Variants in ANKS3 observed in about 807,000 individuals in gnomAD.
ANKS3 encodes the protein ankyrin repeat and sterile alpha motif domain containing 3.
ANKS3 carries 62 observed loss-of-function variants against 80.7 expected under a neutral mutation model. That is an observed-to-expected ratio of 0.77 (90% CI 0.63 to 0.95). The LOEUF is 0.95. ANKS3 is among the 40% of genes least tolerant of loss of function. ANKS3 has a pLI of 0.00. For missense variants in ANKS3, 1,150 were observed against 883.6 expected, an observed-to-expected ratio of 1.30 and a Z score of -3.82; for synonymous variants, 489 against 355.3, an observed-to-expected ratio of 1.38 and a Z score of -4.23.
rs745415081 is a variant in ANKS3 at position 4,714,153 on chromosome 16, C to T, written c.607G>A (p.Ala203Thr). Residue 203 changes from alanine (A) to threonine (T), a missense_variant, in exon 7 of 18, where the codon GCC becomes ACC. By Grantham distance (58) the Ala-to-Thr change is moderately conservative (BLOSUM62 0). Coordinates refer to ENST00000304283, the MANE Select transcript of ANKS3 (RefSeq NM_133450.4). The stretch of plus-strand genomic sequence containing the variant: ...TGCTTGGCCAGCATCCGGGCTGTGG[C>T]TCCACTGTGGTCTCTCGCGTCCACC... ...VKVDARDHSG[A>T]TARMLAKQYG... 9 of 1,614,070 alleles carry T rather than the reference C, an allele frequency of 5.6e-6. No individual in the cohort carries two copies. The highest frequency in any genetic ancestry group is 6.8e-6 in the Non-Finnish European group (8 of 1,180,044).
At chr16:4,730,248 G>T in intron 2 of ANKS3, 97 bp from the exon 3 acceptor site, 2 of 1,227,910 alleles carry the variant, frequency 1.6e-6, no homozygotes, top group Non-Finnish European at 2.1e-6. Flanking sequence ...TGCACTAGCA[G>T]ACTGATAACC....
At chr16:4,715,235 T>A (rs964043874) in intron 6 of ANKS3, among the ~76,000 whole-genome samples, 14 of 151,254 alleles carry the variant, frequency 9.3e-5, no homozygotes, top group African/African-American at 3.4e-4. Context: ...GGCTCAGGAG[T>A]TGGACAACAA....
At chr16:4,700,738 GA>G in intron 11 of ANKS3, 1 of 704,468 alleles carries the variant, frequency 1.4e-6, no homozygotes, top group South Asian at 1.4e-5. Flanking sequence ...CTCCAGTATG[GA>G]AAGCAGGGAG....
In ANKS3 at chr16:4,697,991, G is replaced by T. The variant is rs1429338761; in HGVS notation, c.1796C>A (p.Ala599Asp). The T allele has an allele frequency of 1.3e-6, 2 of 1,598,232 alleles. No homozygotes were observed. The highest frequency in any genetic ancestry group is 2.3e-5 in the South Asian group (2 of 88,054). ...ACTGCTCTTACCAGCTGGGGGGACG[G>T]CTAGGCCCAGAGTGGCTGCACCAGG... Reference protein sequence around the residue: ...QPPGAATLGLAVPPADSKGWQ... With the variant: ...QPPGAATLGLDVPPADSKGWQ... The change falls in exon 15 of 18, where the codon GCC becomes GAC. Residue 599 changes from alanine to aspartate, a missense_variant. By Grantham distance (126) the Ala-to-Asp change is moderately radical (BLOSUM62 -2). Transcript: ENST00000304283.
At position 4,734,121 on chromosome 16, in the gene ANKS3, G is replaced by C. The variant is rs972779470; in HGVS notation, c.-254C>G. On this transcript the variant is annotated 5_prime_UTR_variant, in exon 1 of 18. Transcript: ENST00000304283. ...CGGGTCTAGGCGGGCTGCAGGTGCC[G>C]GCAAGTGCTGGGGCCGGGCCGCCGC... 1 of 761,570 alleles carries C rather than the reference G, an allele frequency of 1.3e-6. No homozygotes were observed. Among genetic ancestry groups the C allele is most frequent in the African/African-American group, 1.9e-5 (1 of 52,804 alleles). The allele number at this position is 761,570 out of a possible 1,614,324, so 47.2% of individuals were successfully genotyped here. A position where few individuals can be genotyped will look rare whatever the true frequency, so the allele number is the denominator to read the frequency against.
Position 4,714,976 on chromosome 16 carries a change from G to C in ANKS3, c.574-790C>G, listed in dbSNP as rs902143504. On this transcript the variant is annotated intron_variant, in intron 6 of 17. Coordinates refer to ENST00000304283, the MANE Select transcript of ANKS3 (RefSeq NM_133450.4). Reference sequence around the variant, plus strand: ...CACTGCACTCCAGCCTGAAGACAGAGTGAGACTCTGTCTCAAAAAAAAAAA... The same window carrying C: ...CACTGCACTCCAGCCTGAAGACAGACTGAGACTCTGTCTCAAAAAAAAAAA... Among the ~76,000 whole-genome samples, 3 of 108,278 alleles carry C rather than the reference G, an allele frequency of 2.8e-5. No individual in the cohort carries two copies. The East Asian group carries it at 9.5e-4, about 34-fold the overall frequency. The allele number at this position is 108,278 out of a possible 152,430, so 71.0% of individuals were successfully genotyped here. A position where few individuals can be genotyped will look rare whatever the true frequency, so the allele number is the denominator to read the frequency against.
intron 6 of ANKS3, among the ~76,000 whole-genome samples, chr16:4,716,644 A>G (rs971488391): frequency 1.3e-5 from 2 of 151,944 alleles, no homozygotes; most frequent in Non-Finnish European, 2.9e-5. Flanking sequence ...TAGGCCGGGC[A>G]CAGTGGCTCA....
chr16:4,720,474 G>A (rs1168551569), intron 6 of ANKS3, among the ~76,000 whole-genome samples: 1 of 146,872 alleles, frequency 6.8e-6, no homozygotes, highest in African/African-American at 2.5e-5. Context: ...AAAAAAAAAA[G>A]AAGTCTAACA....
Position 4,706,810 on chromosome 16 carries a change from C to G in ANKS3, c.710-1557G>C, listed in dbSNP as rs528741852. Among the ~76,000 whole-genome samples, 13 of 152,304 alleles carry G rather than the reference C, an allele frequency of 8.5e-5. No individual in the cohort carries two copies. The East Asian group carries it at 1.9e-3, about 23-fold the overall frequency. Reference sequence around the variant, plus strand: ...AAGGTCCTTTGCATTACCACCTGAGCTGTGTTTATTATGAAACAATCCCAA... The same window carrying G: ...AAGGTCCTTTGCATTACCACCTGAGGTGTGTTTATTATGAAACAATCCCAA... On this transcript the variant is annotated intron_variant, in intron 7 of 17. Transcript: ENST00000304283.
At position 4,697,062 on chromosome 16, in the gene ANKS3, T is replaced by C; in HGVS notation, c.1937A>G (p.Gln646Arg). Residue 646 changes from glutamine (Q) to arginine (R), a missense_variant, in exon 17 of 18, where the codon CAG becomes CGG. Gln to Arg is a conservative substitution (Grantham distance 43). Transcript: ENST00000304283. ...CLVTQSLEKL[Q>R]VLNGKKWRET ...CCGCCACTTCTTCCCGTTCAGCACC[T>C]GCAGCTTCTCCAGGCTCTGGGTCAC... The C allele has an allele frequency of 6.2e-7, 1 of 1,613,878 alleles. No homozygotes were observed.
intron 7 of ANKS3, among the ~76,000 whole-genome samples, chr16:4,709,914 G>A (rs537988358): frequency 2.0e-5 from 3 of 152,190 alleles, no homozygotes; most frequent in Non-Finnish European, 4.4e-5. Context: ...GGGAGGCTGA[G>A]ATAGGAGGAT....
chr16:4,719,876 C>G (rs2080997558), intron 6 of ANKS3, among the ~76,000 whole-genome samples: 1 of 151,934 alleles, frequency 6.6e-6, no homozygotes, highest in Admixed American at 6.6e-5. Context: ...AAAAGTCTAA[C>G]ATCCTGGCCA....
Position 4,698,051 on chromosome 16 carries a change from G to C in ANKS3, c.1736C>G (p.Ala579Gly). The C allele has an allele frequency of 1.9e-6, 3 of 1,608,596 alleles. No individual in the cohort carries two copies. The highest frequency in any genetic ancestry group is 1.7e-5 in the Admixed American group (1 of 59,334). ...LVLDQLRACQ[A>G]ELSSRVRQDQ... ...CTGCCTCACTCGAGATGACAGCTCA[G>C]CTTGACAGGCTCTGCCAGACACAGA... The change falls in exon 15 of 18, where the codon GCT becomes GGT. Residue 579 changes from alanine to glycine, a missense_variant. By Grantham distance (60) the Ala-to-Gly change is moderately conservative. Transcript: ENST00000304283.
chr16:4,698,089 T>C (rs1248561441), intron 14 of ANKS3, 27 bp from the exon 15 acceptor site: 9 of 1,581,894 alleles, frequency 5.7e-6, no homozygotes, highest in Non-Finnish European at 7.7e-6. Context: ...CAAATATTGG[T>C]GAGAGCAGAG....
intron 1 of ANKS3, 130 bp downstream of exon 1, chr16:4,733,808 G>A (rs759700422): frequency 8.1e-6 from 4 of 492,562 alleles, no homozygotes; most frequent in Non-Finnish European, 1.1e-5. Flanking sequence ...TGATGCTGGT[G>A]GTAACTGTCA....
At chr16:4,733,486 G>A (rs886696564) in intron 1 of ANKS3, among the ~76,000 whole-genome samples, 1 of 152,070 alleles carries the variant, frequency 6.6e-6, no homozygotes, top group Admixed American at 6.6e-5. Context: ...GAGACGAAGT[G>A]TCCCCATGTT....
Position 4,701,481 on chromosome 16 carries a change from C to A in ANKS3, c.1072G>T (p.Ala358Ser), listed in dbSNP as rs1374311910. ...VQSSSSSEGL[A>S]RAQGLSSEAS... is the part of the protein sequence containing the mutation. ...TCGCTGCTGAGCCCCTGGGCTCTGGCCAGGCCCTCGCTGCTGCTGCTGCTC... is the reference window on the plus strand; with the variant it reads ...TCGCTGCTGAGCCCCTGGGCTCTGGACAGGCCCTCGCTGCTGCTGCTGCTC... Residue 358 changes from alanine (A) to serine (S), a missense_variant, in exon 10 of 18, where the codon GCC becomes TCC. Coordinates refer to ENST00000304283, the MANE Select transcript of ANKS3 (RefSeq NM_133450.4). 1.2e-6 allele frequency: 2 copies of A among 1,611,778 alleles called. No individual in the cohort carries two copies. Among genetic ancestry groups the A allele is most frequent in the East Asian group, 2.2e-5 (1 of 44,816 alleles).
intron 6 of ANKS3, among the ~76,000 whole-genome samples, chr16:4,715,946 A>T (rs904493172): frequency 8.5e-5 from 13 of 152,170 alleles, no homozygotes; most frequent in Non-Finnish European, 1.8e-4. Flanking sequence ...ACTTAAAATA[A>T]GAGATTAATG....
At chr16:4,719,795 AT>A (rs1282364539) in intron 6 of ANKS3, among the ~76,000 whole-genome samples, 7 of 152,202 alleles carry the variant, frequency 4.6e-5, no homozygotes, top group Non-Finnish European at 1.0e-4. Flanking sequence ...AAGACCCTAT[AT>A]AAAAAAAATA....
Sources: gnomAD v4.1 joint callset for allele counts (sites outside exome capture counted in the v4.1 genomes callset) on GRCh38, gnomAD v4.1.1 for gene constraint, MANE v1.5 for transcripts, NCBI Gene and HGNC (gene_info 2026-07-23, HGNC 2026-07-21) for gene names.